CNTNAP5: variants seen among roughly 807,000 people sequenced by gnomAD.
CNTNAP5 encodes contactin associated protein family member 5.
A neutral mutation model predicts 150.2 loss-of-function variants in CNTNAP5; 72 were observed. The ratio of observed to expected loss-of-function variants is 0.48; its 90% CI spans 0.40 to 0.58. The LOEUF (loss-of-function observed/expected upper bound fraction) is 0.58. Ranked by LOEUF, CNTNAP5 falls within the 20% of genes least tolerant of loss-of-function variation. The pLI, the probability that CNTNAP5 is intolerant of heterozygous loss-of-function variation, is 0.00. For missense variants in CNTNAP5, 1,636 were observed against 1,626.2 expected, an observed-to-expected ratio of 1.01 and a Z score of -0.10; for synonymous variants, 672 against 619.8, an observed-to-expected ratio of 1.08 and a Z score of -1.25.
intron 17 of CNTNAP5, among the ~76,000 whole-genome samples, chr2:124,779,303 C>T (rs72980441): frequency 0.046 from 7,060 of 152,304 alleles, 577 homozygotes; most frequent in African/African-American, 0.16. Context: ...TCAGCACTCC[C>T]GGTGGGACTG....
At chr2:124,291,869 T>G (rs1688303440) in intron 3 of CNTNAP5, among the ~76,000 whole-genome samples, 1 of 152,224 alleles carries the variant, frequency 6.6e-6, no homozygotes, top group African/African-American at 2.4e-5. Flanking sequence ...CAACATGGTG[T>G]GGTCTTCTGT....
chr2:124,912,488 C>T (rs1046811358), intron 23 of CNTNAP5, among the ~76,000 whole-genome samples: 1 of 151,948 alleles, frequency 6.6e-6, no homozygotes, highest in Non-Finnish European at 1.5e-5. Context: ...GGAGGAGGTA[C>T]AAATGGCTAT....
intron 1 of CNTNAP5, among the ~76,000 whole-genome samples, chr2:124,118,743 T>C (rs1341269041): frequency 6.6e-6 from 1 of 152,194 alleles, no homozygotes; most frequent in African/African-American, 2.4e-5. Context: ...GAAGGCCCTC[T>C]GTGGGCTGGG....
intron 3 of CNTNAP5, among the ~76,000 whole-genome samples, chr2:124,361,891 G>A (rs1275887723): frequency 7.0e-6 from 1 of 142,498 alleles, no homozygotes; most frequent in African/African-American, 2.5e-5. Context: ...GGCAATGGCG[G>A]GCGCCCCTCC....
At chr2:124,415,717 A>G (rs1047386979) in intron 3 of CNTNAP5, among the ~76,000 whole-genome samples, 2 of 152,196 alleles carry the variant, frequency 1.3e-5, no homozygotes, top group Non-Finnish European at 2.9e-5. Flanking sequence ...CATCTTAAAG[A>G]TGAGGTATGA....
At chr2:124,744,983 T>G (rs1680575084) in intron 13 of CNTNAP5, among the ~76,000 whole-genome samples, 1 of 152,206 alleles carries the variant, frequency 6.6e-6, no homozygotes. Flanking sequence ...TGAGAGTCAT[T>G]TGGTTAAAAC....
At chr2:124,708,947 C>T (rs1281017299) in intron 13 of CNTNAP5, among the ~76,000 whole-genome samples, 2 of 152,160 alleles carry the variant, frequency 1.3e-5, no homozygotes, top group African/African-American at 4.8e-5. Context: ...GCCCAGCTTA[C>T]AGCACCCTTC....
At chr2:124,503,362 A>T (rs1037843720) in intron 7 of CNTNAP5, among the ~76,000 whole-genome samples, 11 of 152,234 alleles carry the variant, frequency 7.2e-5, no homozygotes, top group Non-Finnish European at 1.6e-4. Flanking sequence ...TGAGAACTGT[A>T]CTGCGTATCT....
chr2:124,444,623 C>CA (rs1019516798), intron 5 of CNTNAP5, among the ~76,000 whole-genome samples: 11 of 150,126 alleles, frequency 7.3e-5, no homozygotes, highest in Non-Finnish European at 1.6e-4. Context: ...AACAAACAAG[C>CA]AAAAAAATAC....
At chr2:124,181,478 T>A (rs1482682796) in intron 1 of CNTNAP5, among the ~76,000 whole-genome samples, 1 of 152,134 alleles carries the variant, frequency 6.6e-6, no homozygotes, top group Non-Finnish European at 1.5e-5. Context: ...ATTTTTAAAA[T>A]TATTTCTTTC....
intron 10 of CNTNAP5, among the ~76,000 whole-genome samples, chr2:124,531,396 G>A (rs574275285): frequency 1.9e-4 from 29 of 152,238 alleles, no homozygotes; most frequent in Admixed American, 7.8e-4. Flanking sequence ...TCTGGTTTGT[G>A]GCCCAGGGTT....
chr2:124,552,052 G>A (rs1322080353), intron 10 of CNTNAP5, among the ~76,000 whole-genome samples: 1 of 129,234 alleles, frequency 7.7e-6, no homozygotes, highest in African/African-American at 3.0e-5. Flanking sequence ...CTTAGACAAA[G>A]GACCATTTTC....
chr2:124,777,002 A>G (rs1681338580), intron 17 of CNTNAP5, among the ~76,000 whole-genome samples: 2 of 152,142 alleles, frequency 1.3e-5, no homozygotes, highest in African/African-American at 2.4e-5. Flanking sequence ...TACCAATTAC[A>G]TAAGGGAAAT....
chr2:124,821,603 AT>A (rs899782755), intron 19 of CNTNAP5, among the ~76,000 whole-genome samples: 61 of 151,924 alleles, frequency 4.0e-4, no homozygotes, highest in South Asian at 2.1e-3. Context: ...CCAATTACCT[AT>A]TTTTTTTAGC....
chr2:124,372,278 C>T (rs1207866890), intron 3 of CNTNAP5, among the ~76,000 whole-genome samples: 1 of 152,016 alleles, frequency 6.6e-6, no homozygotes, highest in Non-Finnish European at 1.5e-5. Context: ...GGGGACTGTG[C>T]TATTGGCTCC....
At chr2:124,752,224 T>C (rs13009715) in intron 14 of CNTNAP5, among the ~76,000 whole-genome samples, 1 of 152,102 alleles carries the variant, frequency 6.6e-6, no homozygotes, top group African/African-American at 2.4e-5. Context: ...TTTTGTTTTG[T>C]TTTATTATTT....
intron 13 of CNTNAP5, among the ~76,000 whole-genome samples, chr2:124,713,071 A>G (rs962065082): frequency 5.3e-5 from 8 of 152,144 alleles, no homozygotes; most frequent in Admixed American, 2.0e-4. Flanking sequence ...TTTAGACCAC[A>G]GCATTTGGCT....
chr2:124,295,505 A>T (rs1688403552), intron 3 of CNTNAP5, among the ~76,000 whole-genome samples: 1 of 152,260 alleles, frequency 6.6e-6, no homozygotes, highest in Admixed American at 6.5e-5. Flanking sequence ...TCACCTGGTG[A>T]CCATTGAATA....
Position 124,590,263 on chromosome 2 carries a change from C to T in CNTNAP5, c.1757-19538C>T, listed in dbSNP as rs6744819. 7.8e-3 allele frequency among the ~76,000 whole-genome samples: 1,189 copies of T among 152,202 alleles called. 16 individuals are homozygous for T. Among genetic ancestry groups the T allele is most frequent in the African/African-American group, 0.027 (1,119 of 41,530 alleles). ...CGAACTAAGACAATCCTGTTATGGCCGCACCTGCACTCTCCTATCTCCATT... is the reference window on the plus strand; with the variant it reads ...CGAACTAAGACAATCCTGTTATGGCTGCACCTGCACTCTCCTATCTCCATT... On this transcript the variant is annotated intron_variant, in intron 11 of 23. Coordinates refer to ENST00000682447, the MANE Select transcript of CNTNAP5 (RefSeq NM_001367498.1).
Sources: gnomAD v4.1 joint callset for allele counts (sites outside exome capture counted in the v4.1 genomes callset) on GRCh38, gnomAD v4.1.1 for gene constraint, MANE v1.5 for transcripts, NCBI Gene and HGNC (gene_info 2026-07-23, HGNC 2026-07-21) for gene names.